Variants in C12orf42 observed in about 807,000 individuals in gnomAD.
The protein encoded by C12orf42 is uncharacterized protein C12orf42.
Under a neutral mutation model 21.6 loss-of-function variants are expected in C12orf42, and 25 were observed. The ratio of observed to expected loss-of-function variants is 1.16; its 90% CI spans 0.84 to 1.62. C12orf42 has a LOEUF of 1.62. Ranked by LOEUF, C12orf42 falls within the 40% of genes most tolerant of loss-of-function variation. C12orf42 has a pLI of 0.00. For synonymous variants in C12orf42, 174 were observed against 175.0 expected (o/e 0.99, Z 0.05); for missense variants, 483 against 459.3 (o/e 1.05, Z -0.47).
intron 3 of C12orf42, among the ~76,000 whole-genome samples, chr12:103,382,949 T>C (rs2046308659): frequency 6.6e-6 from 1 of 152,144 alleles, no homozygotes; most frequent in African/African-American, 2.4e-5. Flanking sequence ...CTGGCATGGC[T>C]GGCCCAAGCA....
chr12:103,107,508 A>C, the C12orf42 span, among the ~76,000 whole-genome samples: 1 of 151,984 alleles, frequency 6.6e-6, no homozygotes, highest in African/African-American at 2.4e-5. Flanking sequence ...AAAACATTTT[A>C]AAATAATTTA....
chr12:103,146,610 AAAAG>A, the C12orf42 span, among the ~76,000 whole-genome samples: 1 of 147,686 alleles, frequency 6.8e-6, no homozygotes, highest in African/African-American at 2.5e-5. Flanking sequence ...GAAAGAAAGA[AAAAG>A]AAAAGTAAAC....
chr12:103,203,323 T>C, the C12orf42 span, among the ~76,000 whole-genome samples: 7 of 152,332 alleles, frequency 4.6e-5, no homozygotes, highest in South Asian at 2.1e-4. Context: ...ATAGTTCCTT[T>C]AGTGTTTTGT....
intron 10 of C12orf42, among the ~76,000 whole-genome samples, chr12:103,243,061 T>C (rs149418862): frequency 2.0e-5 from 3 of 152,256 alleles, no homozygotes; most frequent in African/African-American, 4.8e-5. Flanking sequence ...TCTCACTCTG[T>C]TGTTTAGGCT....
the C12orf42 span, among the ~76,000 whole-genome samples, chr12:103,050,012 C>T: frequency 6.6e-6 from 1 of 152,050 alleles, no homozygotes; most frequent in Non-Finnish European, 1.5e-5. Flanking sequence ...ATCTGTTGCC[C>T]CCCGCTAAGC....
At chr12:103,525,214 G>C in the C12orf42 span, among the ~76,000 whole-genome samples, 1 of 151,946 alleles carries the variant, frequency 6.6e-6, no homozygotes, top group Non-Finnish European at 1.5e-5. Context: ...GAGATTGGGC[G>C]GGGGGAAGTC....
the C12orf42 span, among the ~76,000 whole-genome samples, chr12:103,116,596 C>G: frequency 6.6e-6 from 1 of 152,044 alleles, no homozygotes; most frequent in Admixed American, 6.6e-5. Flanking sequence ...TGTGTACTCA[C>G]CCTGTGCCAA....
chr12:103,072,346 T>A, the C12orf42 span, among the ~76,000 whole-genome samples: 5 of 152,078 alleles, frequency 3.3e-5, no homozygotes, highest in Admixed American at 3.3e-4. Flanking sequence ...ACAAGTCCCT[T>A]TAAACAGACA....
intron 2 of C12orf42, among the ~76,000 whole-genome samples, chr12:103,473,965 T>C (rs1012833055): frequency 6.6e-6 from 1 of 152,192 alleles, no homozygotes; most frequent in Non-Finnish European, 1.5e-5. Context: ...TTCTTAATAC[T>C]CAGATTAGTC....
intron 2 of C12orf42, among the ~76,000 whole-genome samples, chr12:103,437,506 A>T (rs1340848655): frequency 1.3e-5 from 2 of 152,232 alleles, no homozygotes; most frequent in Non-Finnish European, 2.9e-5. Flanking sequence ...ATAGACCGCT[A>T]GCAAGGCTAA....
chr12:103,213,095 T>A, the C12orf42 span, among the ~76,000 whole-genome samples: 6 of 152,134 alleles, frequency 3.9e-5, no homozygotes, highest in Non-Finnish European at 1.5e-5. Flanking sequence ...CAATTTAAAA[T>A]GCTGGAATTA....
chr12:103,560,651 T>C, the C12orf42 span, among the ~76,000 whole-genome samples: 2 of 152,196 alleles, frequency 1.3e-5, no homozygotes, highest in Non-Finnish European at 2.9e-5. Flanking sequence ...ACTATCTGTT[T>C]CAGTGGTCAG....
chr12:103,285,633 C>T (rs960599123), intron 4 of C12orf42, among the ~76,000 whole-genome samples: 1 of 152,178 alleles, frequency 6.6e-6, no homozygotes, highest in Non-Finnish European at 1.5e-5. Context: ...GATCAGACTT[C>T]TAACACATCA....
At chr12:103,369,563 G>A (rs1424033536) in intron 3 of C12orf42, among the ~76,000 whole-genome samples, 1 of 151,782 alleles carries the variant, frequency 6.6e-6, no homozygotes, top group African/African-American at 2.4e-5. Flanking sequence ...GTGAAAGAAT[G>A]GAGAGGCAGG....
Position 103,243,730 on chromosome 12 carries a change from C to T in C12orf42, c.*1367-5828G>A, listed in dbSNP as rs574336975. On this transcript the variant is annotated intron_variant and NMD_transcript_variant, in intron 10 of 10. Transcript: ENST00000547347. ...TGCTACATTTAATTTTATAAAAATG[C>T]TCAGATTTATCCCTTTTTCTCAGCT... is the stretch of plus-strand genomic sequence containing the variant. Among the ~76,000 whole-genome samples, 10 of 152,180 alleles carry T rather than the reference C, an allele frequency of 6.6e-5. No homozygotes were observed. In the East Asian group the frequency reaches 1.9e-3, roughly 29 times the overall value.
At chr12:103,446,754 A>G (rs908436730) in intron 2 of C12orf42, among the ~76,000 whole-genome samples, 1 of 152,006 alleles carries the variant, frequency 6.6e-6, no homozygotes. Context: ...CAACAGTTTA[A>G]AAAGACAAAG....
the C12orf42 span, among the ~76,000 whole-genome samples, chr12:103,529,557 A>C: frequency 6.6e-6 from 1 of 152,178 alleles, no homozygotes; most frequent in African/African-American, 2.4e-5. Context: ...GGATTAACAC[A>C]ATCATCCACA....
intron 6 of C12orf42, among the ~76,000 whole-genome samples, chr12:103,269,255 C>T (rs778723876): frequency 2.0e-5 from 3 of 152,072 alleles, no homozygotes; most frequent in Non-Finnish European, 4.4e-5. Context: ...TTAGAGGGAG[C>T]TGTTCAGAGG....
chr12:103,238,393 C>A (rs892337285), intron 10 of C12orf42, among the ~76,000 whole-genome samples: 2 of 152,144 alleles, frequency 1.3e-5, no homozygotes, highest in Non-Finnish European at 2.9e-5. Context: ...TGTGGATCAG[C>A]AGCTTTGGCA....
Sources: allele counts gnomAD v4.1 joint callset (sites outside exome capture counted in the v4.1 genomes callset), GRCh38; gene constraint gnomAD v4.1.1; transcripts MANE v1.5; gene names NCBI Gene and HGNC (gene_info 2026-07-23, HGNC 2026-07-21).